MATR3: variants seen among roughly 807,000 people sequenced by gnomAD.
MATR3 encodes matrin-3.
A neutral mutation model predicts 85.5 loss-of-function variants in MATR3; 4 were observed. That is an observed-to-expected ratio of 0.05 (90% CI 0.02 to 0.11). MATR3 has a LOEUF of 0.11. MATR3 is among the 10% of genes least tolerant of loss of function. MATR3 has a pLI of 1.00. For synonymous variants in MATR3, 336 were observed against 343.1 expected, an observed-to-expected ratio of 0.98 and a Z score of 0.23; for missense variants, 685 against 1,016.1, an observed-to-expected ratio of 0.67 and a Z score of 4.43.
At chr5:139,309,458 A>G (rs1039003111) in intron 2 of MATR3, among the ~76,000 whole-genome samples, 3 of 152,136 alleles carry the variant, frequency 2.0e-5, no homozygotes, top group Non-Finnish European at 4.4e-5. Context: ...GTAAATGAGT[A>G]TGGATTTTTT....
At chr5:139,278,232 AATAT>A (rs376148985) in intron 2 of MATR3, 73 of 316,930 alleles carry the variant, frequency 2.3e-4, no homozygotes, top group South Asian at 3.1e-4. Flanking sequence ...TATCTCAAAA[AATAT>A]ATATATATAT....
chr5:139,317,432 C>T (rs1347294232), intron 6 of MATR3, among the ~76,000 whole-genome samples, 164 bp from the exon 7 acceptor site: 1 of 152,032 alleles, frequency 6.6e-6, no homozygotes, highest in Non-Finnish European at 1.5e-5. Flanking sequence ...AAGAACTTAC[C>T]CAGTGACGTT....
chr5:139,323,526 A>G (rs1755686397), intron 12 of MATR3, among the ~76,000 whole-genome samples: 1 of 152,258 alleles, frequency 6.6e-6, no homozygotes, highest in Non-Finnish European at 1.5e-5. Context: ...GAGTAAACAA[A>G]GGACCCACAT....
At chr5:139,318,430 G>A (rs994081137) in intron 7 of MATR3, among the ~76,000 whole-genome samples, 3 of 151,650 alleles carry the variant, frequency 2.0e-5, no homozygotes, top group Admixed American at 6.6e-5. Flanking sequence ...CATTACACCC[G>A]GCCAACATTT....
At position 139,329,397 on chromosome 5, in the gene MATR3, A is replaced by T. The variant is rs1756017778; in HGVS notation, c.*2A>T. ...CGCAGACAGAAGAAGGAAACTTAAG[A>T]TGTGCAAGGAGATTTAATGATTTCA... On this transcript the variant is annotated 3_prime_UTR_variant, in exon 15 of 15. Coordinates refer to ENST00000394805, the MANE Select transcript of MATR3 (RefSeq NM_018834.6). The T allele has an allele frequency of 1.2e-6, 2 of 1,609,412 alleles. No individual in the cohort carries two copies. Among genetic ancestry groups the T allele is most frequent in the Non-Finnish European group, 1.7e-6 (2 of 1,176,450 alleles).
intron 1 of MATR3, among the ~76,000 whole-genome samples, chr5:139,297,044 C>T (rs1471620880): frequency 1.3e-5 from 2 of 152,114 alleles, no homozygotes; most frequent in Non-Finnish European, 2.9e-5. Context: ...TGGTGGCAGG[C>T]ACCTGTAATG....
Position 139,308,172 on chromosome 5 carries a change from A to G in MATR3, c.757A>G (p.Met253Val), listed in dbSNP as rs777798560. The part of the protein sequence containing the change: ...YHKFDSEYER[M>V]GRGPGPLQER... The stretch of plus-strand genomic sequence containing the variant: ...TAAATTTGACAGTGAGTATGAGAGA[A>G]TGGGACGTGGTCCTGGCCCCTTACA... Residue 253 changes from methionine (M) to valine (V), a missense_variant, in exon 2 of 15, where the codon ATG becomes GTG. Met to Val is a conservative substitution (Grantham distance 21). This residue lies in a region of MATR3 where 223 missense variants were observed against 334.4 expected (regional missense o/e 0.67). Coordinates refer to ENST00000394805, the MANE Select transcript of MATR3 (RefSeq NM_018834.6). The G allele has an allele frequency of 4.3e-6, 7 of 1,614,132 alleles. 1 individual carries two copies. In the South Asian group the frequency reaches 7.7e-5, roughly 18 times the overall value.
chr5:139,325,329 A>C (rs1458925843), intron 12 of MATR3, 111 bp from the exon 13 acceptor site: 6 of 1,572,908 alleles, frequency 3.8e-6, no homozygotes, highest in Non-Finnish European at 5.2e-6. Context: ...AGGTTTTGTC[A>C]CTCTAGATGA....
At chr5:139,294,579 C>G (rs2151919938) in intron 1 of MATR3, 1 of 152,356 alleles carries the variant, frequency 6.6e-6, no homozygotes, top group South Asian at 2.1e-4. Context: ...GTTTTTCGTA[C>G]TGCGTCGTGG....
At chr5:139,280,943 A>T (rs534454779) in intron 3 of MATR3, among the ~76,000 whole-genome samples, 1 of 151,492 alleles carries the variant, frequency 6.6e-6, no homozygotes, top group East Asian at 1.9e-4. Context: ...TTACTCACCT[A>T]CTTATCCCTG....
intron 3 of MATR3, chr5:139,279,561 T>A (rs1293743270): frequency 5.8e-6 from 1 of 173,666 alleles, no homozygotes; most frequent in Non-Finnish European, 1.2e-5. Context: ...TGGAGTGCAA[T>A]GGCGCAATCT....
intron 2 of MATR3, among the ~76,000 whole-genome samples, chr5:139,276,894 G>A (rs1753297627): frequency 6.6e-6 from 1 of 152,128 alleles, no homozygotes; most frequent in Admixed American, 6.5e-5. Context: ...GCATTCTCTA[G>A]CTGTTTAATA....
chr5:139,274,237 G>A, intron 1 of MATR3: 1 of 356,812 alleles, frequency 2.8e-6, no homozygotes, highest in South Asian at 2.1e-5. Flanking sequence ...GGTGGCTTCT[G>A]CCGGGGCACG....
intron 14 of MATR3, among the ~76,000 whole-genome samples, chr5:139,327,367 A>G (rs1004720681): frequency 6.8e-6 from 1 of 148,092 alleles, no homozygotes; most frequent in Non-Finnish European, 1.5e-5. Context: ...ACCATCCTGT[A>G]TATGAAGAAA....
At position 139,314,600 on chromosome 5, in the gene MATR3, C is replaced by A. The variant is rs1755152927; in HGVS notation, c.913-75C>A. 2.3e-5 allele frequency: 27 copies of A among 1,179,844 alleles called. No individual in the cohort carries two copies. In the South Asian group the frequency reaches 3.2e-4, roughly 14 times the overall value. The allele number at this position is 1,179,844 out of a possible 1,614,324, so 73.1% of individuals were successfully genotyped here. On this transcript the variant is annotated intron_variant, in intron 2 of 14. Transcript: ENST00000394805. ...TATGATACTGCATAGACATTAATATCCTAGAGTTTGAATGGTTCAGATGAA... is the reference window on the plus strand; with the variant it reads ...TATGATACTGCATAGACATTAATATACTAGAGTTTGAATGGTTCAGATGAA...
chr5:139,283,870 C>G (rs1753617467), intron 3 of MATR3, among the ~76,000 whole-genome samples: 1 of 152,218 alleles, frequency 6.6e-6, no homozygotes, highest in South Asian at 2.1e-4. Context: ...TCTACACATG[C>G]TGTTTTTCCC....
chr5:139,313,914 T>TTTTTGTTTTG (rs563006768), intron 2 of MATR3: 2 of 148,820 alleles, frequency 1.3e-5, no homozygotes, highest in African/African-American at 2.4e-5. Context: ...TTTGTTTTTG[T>TTTTTGTTTTG]TTTTGTTTTG....
At chr5:139,302,373 G>GA (rs1319803359) in intron 1 of MATR3, among the ~76,000 whole-genome samples, 2 of 151,882 alleles carry the variant, frequency 1.3e-5, no homozygotes, top group East Asian at 3.9e-4. Flanking sequence ...GAAACTCTAG[G>GA]AAAAAAATGT....
intron 1 of MATR3, among the ~76,000 whole-genome samples, chr5:139,295,483 G>C (rs1041803551): frequency 2.6e-5 from 4 of 152,176 alleles, no homozygotes; most frequent in African/African-American, 9.7e-5. Context: ...TTTACCCAGA[G>C]AAGTTTCGCT....
Sources: gnomAD v4.1 joint callset for allele counts (sites outside exome capture counted in the v4.1 genomes callset) on GRCh38, gnomAD v4.1.1 for gene constraint, gnomAD v4.1.1 regional missense constraint, MANE v1.5 for transcripts, NCBI Gene and HGNC (gene_info 2026-07-23, HGNC 2026-07-21) for gene names.